Variants in DAPP1 observed in about 807,000 individuals in gnomAD.
The protein encoded by DAPP1 is dual adapter for phosphotyrosine and 3-phosphotyrosine and 3-phosphoinositide.
In DAPP1, 20 loss-of-function variants were observed where a neutral mutation model predicts 41.5. The observed-to-expected ratio is 0.48, with a 90% CI of 0.34 to 0.70. DAPP1 has a LOEUF of 0.70. DAPP1 is among the 30% of genes least tolerant of loss of function. DAPP1 has a pLI of 0.01. For missense variants in DAPP1, 233 were observed against 333.4 expected (o/e 0.70, Z 2.35); for synonymous variants, 113 against 116.2 (o/e 0.97, Z 0.18).
At chr4:99,839,090 C>A (rs1273920540) in intron 2 of DAPP1, among the ~76,000 whole-genome samples, 1 of 152,112 alleles carries the variant, frequency 6.6e-6, no homozygotes, top group Non-Finnish European at 1.5e-5. Flanking sequence ...TGGACTAGGG[C>A]AGCTGTTCTA....
Position 99,868,775 on chromosome 4 carries a change from A to C in DAPP1, c.*590A>C, listed in dbSNP as rs1724551186. 1 of 152,062 alleles carries C rather than the reference A, an allele frequency of 6.6e-6. No individual in the cohort carries two copies. The highest frequency in any genetic ancestry group is 2.1e-4 in the South Asian group (1 of 4,820). 9.4% of individuals were successfully genotyped at this position (152,062 alleles called of 1,614,324 possible). A position where few individuals can be genotyped will look rare whatever the true frequency, so the allele number is the denominator to read the frequency against. On this transcript the variant is annotated 3_prime_UTR_variant, in exon 9 of 9. Transcript: ENST00000512369. ...TTTATTTTCTCTTTTTAAAAGGTTC[A>C]GAAATTTGGCAGGTCCTTTGCTTCT... is the stretch of plus-strand genomic sequence containing the variant.
In DAPP1 at chr4:99,853,071, T is replaced by C. The variant is rs977783626; in HGVS notation, c.359-147T>C. 1.9e-5 allele frequency: 17 copies of C among 877,142 alleles called. 1 individual carries two copies. Among genetic ancestry groups the C allele is most frequent in the Non-Finnish European group, 2.6e-5 (15 of 585,298 alleles). 54.3% of individuals were successfully genotyped at this position (877,142 alleles called of 1,614,324 possible). A position where few individuals can be genotyped will look rare whatever the true frequency, so the allele number is the denominator to read the frequency against. ...TCCAGCTTAAGTGCCTTATACCTAA[T>C]TGGTATTTGATAACTGTTGAGATAA... is the stretch of plus-strand genomic sequence containing the variant. On this transcript the variant is annotated intron_variant, in intron 3 of 8. Transcript: ENST00000512369.
intron 4 of DAPP1, among the ~76,000 whole-genome samples, chr4:99,858,011 A>G (rs1226119449): frequency 2.0e-5 from 3 of 152,240 alleles, no homozygotes; most frequent in African/African-American, 7.2e-5. Context: ...AATTGCCTAC[A>G]TGATGCCCCA....
chr4:99,826,548 A>C lies in DAPP1; in HGVS notation c.102-9075A>C, dbSNP rs757769364. On this transcript the variant is annotated intron_variant, in intron 1 of 8. Coordinates refer to ENST00000512369, the MANE Select transcript of DAPP1 (RefSeq NM_014395.3). ...ATCTGTAGACATGAGTTACTAAGAC[A>C]TTTTGTCATCAAGAAATATACTATC... Among the ~76,000 whole-genome samples, 7 of 152,250 alleles carry C rather than the reference A, an allele frequency of 4.6e-5. No individual in the cohort carries two copies. In the South Asian group the frequency reaches 1.4e-3, roughly 31 times the overall value.
Position 99,868,376 on chromosome 4 carries a change from TCTC to T in DAPP1, c.*194_*196del, listed in dbSNP as rs1724536467. The T allele has an allele frequency of 1.7e-6, 1 of 601,394 alleles. No homozygotes were observed. The highest frequency in any genetic ancestry group is 3.0e-6 in the Non-Finnish European group (1 of 338,220). 37.3% of individuals were successfully genotyped at this position (601,394 alleles called of 1,614,324 possible). On this transcript the variant is annotated 3_prime_UTR_variant, in exon 9 of 9. Coordinates refer to ENST00000512369, the MANE Select transcript of DAPP1 (RefSeq NM_014395.3). ...TTGCTGCCCTTCCATGATGTTGCCA[TCTC>T]CTTGAGAACACTGAAGCAATCACCA...
chr4:99,844,671 G>GA (rs1367656639), intron 3 of DAPP1: 1 of 152,128 alleles, frequency 6.6e-6, no homozygotes, highest in African/African-American at 2.4e-5. Flanking sequence ...TAACAGGCAT[G>GA]AAAAAATATA....
chr4:99,819,534 C>T (rs1263736458), intron 1 of DAPP1, among the ~76,000 whole-genome samples: 4 of 152,120 alleles, frequency 2.6e-5, no homozygotes, highest in African/African-American at 4.8e-5. Flanking sequence ...GAATACTGAA[C>T]ATAACTCGAA....
chr4:99,828,929 T>C (rs1397653706), intron 1 of DAPP1, among the ~76,000 whole-genome samples: 2 of 152,210 alleles, frequency 1.3e-5, no homozygotes, highest in Admixed American at 6.5e-5. Flanking sequence ...TGGAGACTAT[T>C]AACATTCTTT....
At chr4:99,848,853 C>T (rs1458971828) in intron 3 of DAPP1, among the ~76,000 whole-genome samples, 1 of 152,148 alleles carries the variant, frequency 6.6e-6, no homozygotes, top group African/African-American at 2.4e-5. Flanking sequence ...GTGACCAGGT[C>T]AGGTATTCGA....
At chr4:99,851,328 T>A (rs1157974549) in intron 3 of DAPP1, among the ~76,000 whole-genome samples, 2 of 152,100 alleles carry the variant, frequency 1.3e-5, no homozygotes, top group Non-Finnish European at 2.9e-5. Context: ...AATGCTGCAA[T>A]GCCAATGAGA....
downstream of DAPP1, among the ~76,000 whole-genome samples, chr4:99,871,403 CTTAT>C (rs943329247): frequency 3.3e-5 from 5 of 151,914 alleles, no homozygotes; most frequent in African/African-American, 1.2e-4. Flanking sequence ...TGCAAAGGAT[CTTAT>C]TTTCTTTTTT....
chr4:99,825,568 C>G (rs778166863), intron 1 of DAPP1, among the ~76,000 whole-genome samples: 1 of 152,230 alleles, frequency 6.6e-6, no homozygotes, highest in Non-Finnish European at 1.5e-5. Context: ...CACCATTTAG[C>G]TCTGCTCTTA....
rs746781776 is a variant in DAPP1 at position 99,835,739 on chromosome 4, C to G, written c.218C>G (p.Ser73Cys). 19 of 1,613,672 alleles carry G rather than the reference C, an allele frequency of 1.2e-5. No individual in the cohort carries two copies. Among genetic ancestry groups the G allele is most frequent in the Non-Finnish European group, 1.1e-5 (13 of 1,179,766 alleles). Reference protein sequence around the residue: ...SNETTGLYSLSVRAKDSVKHF... With the variant: ...SNETTGLYSLCVRAKDSVKHF... The stretch of plus-strand genomic sequence containing the variant: ...GAGACCACCGGGCTGTACTCTCTCT[C>G]TGTGAGGTAAGGTGCTTCAGGGCTC... The change falls in exon 2 of 9, where the codon TCT becomes TGT. Residue 73 changes from serine (S) to cysteine (C), a missense_variant. Coordinates refer to ENST00000512369, the MANE Select transcript of DAPP1 (RefSeq NM_014395.3).
chr4:99,863,695 A>G (rs1724318838), intron 6 of DAPP1, 75 bp from the exon 7 acceptor site: 4 of 940,146 alleles, frequency 4.3e-6, no homozygotes, highest in Admixed American at 2.7e-5. Flanking sequence ...TGTGAGGGGA[A>G]TAAGTGAGGG....
At chr4:99,820,721 G>A (rs1276762714) in intron 1 of DAPP1, among the ~76,000 whole-genome samples, 6 of 152,208 alleles carry the variant, frequency 3.9e-5, no homozygotes, top group Non-Finnish European at 7.4e-5. Flanking sequence ...GGCTTTGCAG[G>A]CCTTACAGTC....
intron 1 of DAPP1, among the ~76,000 whole-genome samples, chr4:99,824,383 A>ATGTACTT (rs1722869781): frequency 6.6e-6 from 1 of 152,190 alleles, no homozygotes. Flanking sequence ...AACGCTGATG[A>ATGTACTT]TGTACTTGCA....
chr4:99,871,794 C>T (rs975895191), downstream of DAPP1, among the ~76,000 whole-genome samples: 3 of 152,188 alleles, frequency 2.0e-5, no homozygotes, highest in African/African-American at 4.8e-5. Flanking sequence ...AAAGGTGATT[C>T]GGAGCACATT....
chr4:99,816,857 G>A lies in DAPP1; in HGVS notation c.-57G>A. On this transcript the variant is annotated 5_prime_UTR_variant, in exon 1 of 9. Transcript: ENST00000512369. ...AGCAGGCTGCTGTCTCACAGAGCGA[G>A]AAGGTGTCAGGAGCAGCCCAGTTGT... 1 of 1,461,582 alleles carries A rather than the reference G, an allele frequency of 6.8e-7. No homozygotes were observed. Among genetic ancestry groups the A allele is most frequent in the Non-Finnish European group, 9.3e-7 (1 of 1,070,624 alleles). The allele number at this position is 1,461,582 out of a possible 1,614,324, so 90.5% of individuals were successfully genotyped here.
intron 1 of DAPP1, among the ~76,000 whole-genome samples, chr4:99,821,455 T>A (rs1722771114): frequency 6.6e-6 from 1 of 152,264 alleles, no homozygotes; most frequent in African/African-American, 2.4e-5. Context: ...ATTCTAGTAA[T>A]GGCAATTAGT....
Sources: allele counts gnomAD v4.1 joint callset (sites outside exome capture counted in the v4.1 genomes callset), GRCh38; gene constraint gnomAD v4.1.1; transcripts MANE v1.5; gene names NCBI Gene and HGNC (gene_info 2026-07-23, HGNC 2026-07-21).